Variants in TECPR2 observed in about 807,000 individuals in gnomAD.
TECPR2 encodes tectonin beta-propeller repeat containing 2, also known as tectonin beta-propeller repeat-containing protein 2.
A neutral mutation model predicts 138.1 loss-of-function variants in TECPR2; 65 were observed. The observed-to-expected ratio is 0.47, with a 90% CI of 0.39 to 0.58. The LOEUF is 0.58. Among genes scored for constraint, TECPR2 ranks in the 20% least tolerant of loss-of-function variants. The pLI is 0.00. For missense variants in TECPR2, 1,553 were observed against 1,824.5 expected (o/e 0.85, Z 2.71); for synonymous variants, 746 against 749.8 (o/e 0.99, Z 0.08).
At chr14:102,382,089 C>A (rs559347048) in intron 2 of TECPR2, among the ~76,000 whole-genome samples, 2 of 152,068 alleles carry the variant, frequency 1.3e-5, no homozygotes, top group Non-Finnish European at 2.9e-5. Flanking sequence ...GTCAGGAGAT[C>A]GAGACCATCC....
intron 7 of TECPR2, among the ~76,000 whole-genome samples, chr14:102,429,480 T>TA (rs1455127679): frequency 2.0e-5 from 3 of 152,190 alleles, no homozygotes; most frequent in Non-Finnish European, 2.9e-5. Context: ...TTTTGGTAAT[T>TA]CATACAAGCC....
intron 17 of TECPR2, among the ~76,000 whole-genome samples, chr14:102,468,234 C>T (rs1456023718): frequency 6.6e-6 from 1 of 152,168 alleles, no homozygotes; most frequent in Non-Finnish European, 1.5e-5. Flanking sequence ...GTCGCCCAGG[C>T]TGGAGTGCAG....
chr14:102,373,770 T>C (rs981949628), intron 1 of TECPR2, among the ~76,000 whole-genome samples: 15 of 152,078 alleles, frequency 9.9e-5, no homozygotes, highest in Admixed American at 6.6e-5. Flanking sequence ...TATTGGCTAT[T>C]GTGACTGTCA....
chr14:102,391,063 G>GT (rs1888157517), intron 2 of TECPR2, among the ~76,000 whole-genome samples: 2 of 152,174 alleles, frequency 1.3e-5, no homozygotes, highest in South Asian at 4.2e-4. Flanking sequence ...CTATGGATTT[G>GT]TTTTTTGTCT....
rs536343745 is a variant in TECPR2, at chr14:102,498,140, C to G, written c.4119C>G (p.Pro1373=). The G allele has an allele frequency of 1.2e-6, 2 of 1,613,258 alleles. No homozygotes were observed. The highest frequency in any genetic ancestry group is 1.7e-6 in the Non-Finnish European group (2 of 1,179,964). ...ATGAGCTGTGGGCTGTGGGCCCGCCCGGCTACCTCCTCCAACGGCTGACAA... is the reference window on the plus strand; with the variant it reads ...ATGAGCTGTGGGCTGTGGGCCCGCCGGGCTACCTCCTCCAACGGCTGACAA... ...ASDELWAVGP[P]GYLLQRLTKT... The change falls in exon 20 of 20, where the codon CCC becomes CCG. Residue 1373 remains proline, a synonymous_variant. Transcript: ENST00000359520.
chr14:102,423,335 G>A (rs908346803), intron 5 of TECPR2, among the ~76,000 whole-genome samples: 3 of 151,972 alleles, frequency 2.0e-5, no homozygotes, highest in Non-Finnish European at 2.9e-5. Flanking sequence ...GGGAGGCTGA[G>A]GCAGGAGAAT....
intron 1 of TECPR2, among the ~76,000 whole-genome samples, chr14:102,371,247 A>G (rs1207770156): frequency 6.6e-6 from 1 of 152,162 alleles, no homozygotes; most frequent in Non-Finnish European, 1.5e-5. Context: ...TTGGGTGAAC[A>G]TTGGGTAAGG....
intron 2 of TECPR2, among the ~76,000 whole-genome samples, chr14:102,397,118 T>C (rs1363397272): frequency 6.6e-6 from 1 of 152,150 alleles, no homozygotes; most frequent in Non-Finnish European, 1.5e-5. Context: ...GGAAAAGGTA[T>C]AGGCACAGTA....
intron 8 of TECPR2, among the ~76,000 whole-genome samples, chr14:102,433,105 T>C (rs544064304): frequency 6.6e-6 from 1 of 152,254 alleles, no homozygotes; most frequent in African/African-American, 2.4e-5. Context: ...AGAAGATCTA[T>C]GCTGGTAAAT....
intron 17 of TECPR2, among the ~76,000 whole-genome samples, chr14:102,468,117 A>G (rs1411736699): frequency 6.6e-6 from 1 of 151,264 alleles, no homozygotes; most frequent in East Asian, 2.0e-4. Context: ...AAGTGCTTGG[A>G]TTACAGGCGT....
intron 18 of TECPR2, 77 bp from the exon 19 acceptor site, chr14:102,497,493 T>A: frequency 7.1e-7 from 1 of 1,412,682 alleles, no homozygotes; most frequent in Non-Finnish European, 9.2e-7. Context: ...GTGTGCAGCG[T>A]CACAAGAGTC....
At chr14:102,450,524 T>C (rs754161037) in intron 14 of TECPR2, 36 bp from the exon 15 acceptor site, 2 of 1,607,690 alleles carry the variant, frequency 1.2e-6, no homozygotes, top group South Asian at 1.1e-5. Flanking sequence ...CTATGCTTTC[T>C]TTCTTTAACA....
chr14:102,442,692 G>A (rs1159074844), intron 11 of TECPR2, among the ~76,000 whole-genome samples: 3 of 152,186 alleles, frequency 2.0e-5, no homozygotes, highest in Admixed American at 6.5e-5. Flanking sequence ...CGTGTAAGAA[G>A]TCCTGCCGGT....
chr14:102,412,584 C>A (rs947331385), intron 4 of TECPR2, among the ~76,000 whole-genome samples: 1 of 151,314 alleles, frequency 6.6e-6, no homozygotes, highest in African/African-American at 2.4e-5. Context: ...CAACAAATAC[C>A]ATTACTTGTT....
intron 9 of TECPR2, among the ~76,000 whole-genome samples, chr14:102,435,918 C>T (rs1407550692): frequency 1.3e-5 from 2 of 152,224 alleles, no homozygotes; most frequent in African/African-American, 2.4e-5. Flanking sequence ...CTTGCCCTGT[C>T]TCCTACTAAC....
intron 1 of TECPR2, among the ~76,000 whole-genome samples, chr14:102,371,442 G>A (rs1290155993): frequency 1.3e-5 from 2 of 152,156 alleles, no homozygotes; most frequent in Non-Finnish European, 2.9e-5. Context: ...TGAATGGTGG[G>A]TGAAGGACAG....
chr14:102,452,706 T>C (rs1890178974), intron 16 of TECPR2, 79 bp downstream of exon 16: 3 of 1,217,750 alleles, frequency 2.5e-6, no homozygotes, highest in Non-Finnish European at 3.5e-6. Context: ...CGGACAAAAC[T>C]GCCCGGCCTG....
intron 17 of TECPR2, among the ~76,000 whole-genome samples, chr14:102,468,337 ACCG>A (rs776747604): frequency 2.6e-5 from 4 of 151,044 alleles, no homozygotes; most frequent in Non-Finnish European, 5.9e-5. Flanking sequence ...ACAGGCATGC[ACCG>A]CCATGCCTGG....
At chr14:102,496,372 A>T (rs1443251843) in intron 17 of TECPR2, among the ~76,000 whole-genome samples, 2 of 152,206 alleles carry the variant, frequency 1.3e-5, no homozygotes, top group African/African-American at 4.8e-5. Context: ...GTGGACAGCA[A>T]ACAGGACACT....
Sources: allele counts gnomAD v4.1 joint callset (sites outside exome capture counted in the v4.1 genomes callset), GRCh38; gene constraint gnomAD v4.1.1; transcripts MANE v1.5; gene names NCBI Gene and HGNC (gene_info 2026-07-23, HGNC 2026-07-21).